The following CYLD variants were observed in gnomAD, a reference collection of about 807,000 sequenced individuals.
CYLD encodes ubiquitin carboxyl-terminal hydrolase CYLD.
A neutral mutation model predicts 104.5 loss-of-function variants in CYLD; 26 were observed. The ratio of observed to expected loss-of-function variants is 0.25; its 90% confidence interval spans 0.18 to 0.35. The LOEUF (loss-of-function observed/expected upper bound fraction) is 0.35. Ranked by LOEUF, CYLD falls within the 10% of genes least tolerant of loss-of-function variation. The pLI, the probability that CYLD is intolerant of heterozygous loss-of-function variation, is 1.00. For missense variants in CYLD, 703 were observed against 1,136.1 expected (o/e 0.62, Z 5.48); for synonymous variants, 385 against 399.9 (o/e 0.96, Z 0.45).
chr16:50,743,451 A>G (rs552585674), intron 2 of CYLD, among the ~76,000 whole-genome samples: 3 of 152,322 alleles, frequency 2.0e-5, no homozygotes, highest in East Asian at 1.9e-4. Context: ...GCAAAATTGT[A>G]TAGTATTCTT....
intron 5 of CYLD, among the ~76,000 whole-genome samples, chr16:50,758,794 G>A (rs1967570644): frequency 1.3e-5 from 2 of 152,118 alleles, no homozygotes; most frequent in South Asian, 2.1e-4. Context: ...AGCATGCGTC[G>A]GGGAGTGGGA....
chr16:50,791,453 A>AT, intron 14 of CYLD, 105 bp from the exon 15 acceptor site: 2 of 1,216,852 alleles, frequency 1.6e-6, no homozygotes, highest in Non-Finnish European at 2.4e-6. Context: ...TACACCATCA[A>AT]TTTTATGGTT....
intron 4 of CYLD, 83 bp downstream of exon 4, chr16:50,751,989 TACACAC>T (rs1966668458): frequency 1.9e-5 from 2 of 106,982 alleles, no homozygotes; most frequent in African/African-American, 3.1e-4. Context: ...AACATATATA[TACACAC>T]ATATATATAC....
chr16:50,789,421 C>G (rs1212743053), intron 14 of CYLD, among the ~76,000 whole-genome samples: 1 of 152,062 alleles, frequency 6.6e-6, no homozygotes, highest in Non-Finnish European at 1.5e-5. Context: ...GTAATACACG[C>G]CCAGTAATAA....
At chr16:50,787,420 A>G in intron 13 of CYLD, 1 of 280,096 alleles carries the variant, frequency 3.6e-6, no homozygotes, top group Non-Finnish European at 6.8e-6. Flanking sequence ...ATTTGTCAGC[A>G]GCATACTGTA....
chr16:50,754,017 T>A (rs867050494), intron 4 of CYLD, among the ~76,000 whole-genome samples: 2 of 152,214 alleles, frequency 1.3e-5, no homozygotes, highest in Non-Finnish European at 2.9e-5. Context: ...TCCTACAGAT[T>A]AGTATTTATT....
In CYLD at chr16:50,794,295, C is replaced by T. The variant is rs370020837; in HGVS notation, c.2553C>T (p.His851=). 26 of 1,614,178 alleles carry T rather than the reference C, an allele frequency of 1.6e-5. No homozygotes were observed. Among genetic ancestry groups the T allele is most frequent in the East Asian group, 2.2e-5 (1 of 44,878 alleles). The change falls in exon 18 of 19, where the codon CAC becomes CAT. Residue 851 remains histidine (H), a synonymous_variant. Transcript: ENST00000427738. This position sits in a 1 kb window ranked among gnomAD's most constrained non-coding sequence, Gnocchi z 4.1. The part of the protein sequence containing the change: ...PKDLPDWDWR[H]GCIPCQNMEL... Reference sequence around the variant, plus strand: ...ACTTACCCGACTGGGACTGGAGACACGGCTGCATCCCTTGCCAGAATATGG... The same window carrying T: ...ACTTACCCGACTGGGACTGGAGACATGGCTGCATCCCTTGCCAGAATATGG...
chr16:50,742,864 T>C, intron 2 of CYLD, 23 bp downstream of exon 2: 1 of 253,230 alleles, frequency 3.9e-6, no homozygotes, highest in East Asian at 7.2e-5. Context: ...TATGTTTTTC[T>C]TTCATGTTAA....
At chr16:50,772,680 A>G (rs892438370) in intron 5 of CYLD, among the ~76,000 whole-genome samples, 20 of 152,228 alleles carry the variant, frequency 1.3e-4, no homozygotes, top group African/African-American at 4.8e-4. Flanking sequence ...TGTATCAGTT[A>G]GCATGTGTGC....
At chr16:50,744,951 T>A (rs930789924) in intron 2 of CYLD, 39 of 152,388 alleles carry the variant, frequency 2.6e-4, no homozygotes, top group African/African-American at 8.4e-4. Context: ...ACCTGAACTG[T>A]TCTCCTTCAT....
intron 5 of CYLD, 23 bp downstream of exon 5, chr16:50,754,447 A>T: frequency 6.8e-7 from 1 of 1,472,134 alleles, no homozygotes; most frequent in African/African-American, 1.4e-5. Flanking sequence ...TGTTTTATAC[A>T]TTTATAAGGC....
At chr16:50,747,984 A>G (rs889056239) in intron 2 of CYLD, among the ~76,000 whole-genome samples, 5 of 152,226 alleles carry the variant, frequency 3.3e-5, no homozygotes, top group African/African-American at 4.8e-5. Context: ...TTCATTATCT[A>G]GCAGTGCTTT....
rs1971540584 is a variant in CYLD at position 50,792,589 on chromosome 16, T to C, written c.2242-8T>C. 6.3e-7 allele frequency: 1 copy of C among 1,585,926 alleles called. No individual in the cohort carries two copies. Among genetic ancestry groups the C allele is most frequent in the Non-Finnish European group, 8.6e-7 (1 of 1,156,808 alleles). ...CTTTGATTCTAAAAATATCTGTCTTTTTTATAGGCACCATCATGTCTGATT... is the reference window on the plus strand; with the variant it reads ...CTTTGATTCTAAAAATATCTGTCTTCTTTATAGGCACCATCATGTCTGATT... On this transcript the variant is annotated splice_polypyrimidine_tract_variant and splice_region_variant and intron_variant, in intron 15 of 18. Coordinates refer to ENST00000427738, the MANE Select transcript of CYLD (RefSeq NM_001378743.1).
chr16:50,775,166 C>A lies in CYLD; in HGVS notation c.914C>A (p.Ala305Asp). The change falls in exon 6 of 19, where the codon GCT becomes GAT. Residue 305 changes from alanine to aspartate, a missense_variant and splice_region_variant. Around this residue, in one of 5 missense-constraint regions of CYLD, gnomAD observed 123 missense variants for 213.3 expected, o/e 0.58. Transcript: ENST00000427738. ...ILLHINDIIPALSESVTQERR... is the reference protein window; with the variant it reads ...ILLHINDIIPDLSESVTQERR... ...TGATATCGTTTTTGCTGACACACAG[C>A]TTTATCAGGTATGACTCCTAAGTGT... is the stretch of plus-strand genomic sequence containing the variant. 1 of 1,597,178 alleles carries A rather than the reference C, an allele frequency of 6.3e-7. No individual in the cohort carries two copies. Among genetic ancestry groups the A allele is most frequent in the Non-Finnish European group, 8.5e-7 (1 of 1,178,264 alleles).
rs772606811 is a variant in CYLD, at chr16:50,787,183, G to A, written c.2041+237G>A. 1.8e-5 allele frequency: 9 copies of A among 504,826 alleles called. No individual in the cohort carries two copies. The Admixed American group carries it at 2.7e-4, about 15-fold the overall frequency. The allele number at this position is 504,826 out of a possible 1,614,324, so 31.3% of individuals were successfully genotyped here. On this transcript the variant is annotated intron_variant, in intron 13 of 18. Transcript: ENST00000427738. ...GCTGGCTGGTTCTAGTATATTAAAT[G>A]CTTAAATAAAAAGTCCTTTCCTTTC... is the stretch of plus-strand genomic sequence containing the variant.
rs532316350 is a variant in CYLD, at chr16:50,745,529, CCACCA to C, written c.-124+2693_-124+2697del. 3.1e-3 allele frequency among the ~76,000 whole-genome samples: 473 copies of C among 151,886 alleles called. 2 individuals carry two copies. The highest frequency in any genetic ancestry group is 5.7e-3 in the Non-Finnish European group (387 of 67,940). On this transcript the variant is annotated intron_variant, in intron 2 of 18. Coordinates refer to ENST00000427738, the MANE Select transcript of CYLD (RefSeq NM_001378743.1). ...GAGTAGCTGGGCCCACAGGCAGACA[CCACCA>C]CACCCGGCTAATTTTCTTTTCTTTT...
chr16:50,797,239 C>G lies in CYLD; in HGVS notation c.*731C>G, dbSNP rs1972130834. 4.3e-6 allele frequency: 1 copy of G among 232,404 alleles called. No homozygotes were observed. Among genetic ancestry groups the G allele is most frequent in the South Asian group, 1.8e-4 (1 of 5,522 alleles). 14.4% of individuals were successfully genotyped at this position (232,404 alleles called of 1,614,324 possible). On this transcript the variant is annotated 3_prime_UTR_variant, in exon 19 of 19. Transcript: ENST00000427738. Reference sequence around the variant, plus strand: ...CTTCATTCATAGTAGTTACTGTCAGCTAACAGGTTTTTTAAGGCTTTTAAC... The same window carrying G: ...CTTCATTCATAGTAGTTACTGTCAGGTAACAGGTTTTTTAAGGCTTTTAAC...
In CYLD at chr16:50,799,226, G is replaced by C. The variant is rs1972293288; in HGVS notation, c.*2718G>C. Reference sequence around the variant, plus strand: ...TTATCTTATTTATAACACGGTTCGTGATTCATGATTCATGATTACAAGTAG... The same window carrying C: ...TTATCTTATTTATAACACGGTTCGTCATTCATGATTCATGATTACAAGTAG... On this transcript the variant is annotated 3_prime_UTR_variant, in exon 19 of 19. Coordinates refer to ENST00000427738, the MANE Select transcript of CYLD (RefSeq NM_001378743.1). 8.6e-6 allele frequency: 2 copies of C among 233,262 alleles called. No homozygotes were observed. Among genetic ancestry groups the C allele is most frequent in the Non-Finnish European group, 1.7e-5 (2 of 118,056 alleles). 14.4% of individuals were successfully genotyped at this position (233,262 alleles called of 1,614,324 possible).
intron 5 of CYLD, among the ~76,000 whole-genome samples, chr16:50,761,685 G>A (rs1464505356): frequency 6.6e-6 from 1 of 152,092 alleles, no homozygotes; most frequent in Non-Finnish European, 1.5e-5. Context: ...GTTACTGTAA[G>A]GTTATAAAGG....
Sources: allele counts gnomAD v4.1 joint callset (sites outside exome capture counted in the v4.1 genomes callset), GRCh38; gene constraint gnomAD v4.1.1; regional missense constraint gnomAD v4.1.1; non-coding constraint Gnocchi (gnomAD v3.1); transcripts MANE v1.5; gene names NCBI Gene and HGNC (gene_info 2026-07-23, HGNC 2026-07-21).